The following CYP46A1 variants were observed in gnomAD, a reference collection of about 807,000 sequenced individuals.
CYP46A1 encodes the protein cholesterol 24-hydroxylase.
Under a neutral mutation model 63.3 loss-of-function variants are expected in CYP46A1, and 20 were observed. The ratio of observed to expected loss-of-function variants is 0.32; its 90% CI spans 0.22 to 0.46. The LOEUF is 0.46. Ranked by LOEUF, CYP46A1 falls within the 20% of genes least tolerant of loss-of-function variation. The pLI is 1.00. For missense variants in CYP46A1, 445 were observed against 670.8 expected, an observed-to-expected ratio of 0.66 and a Z score of 3.72; for synonymous variants, 268 against 273.6, an observed-to-expected ratio of 0.98 and a Z score of 0.20.
Position 99,684,348 on chromosome 14 carries a change from T to C in CYP46A1, c.-70T>C. On this transcript the variant is annotated 5_prime_UTR_variant, in exon 1 of 15. Transcript: ENST00000261835. Reference sequence around the variant, plus strand: ...GCGGCGCGCGGCGCTGACAGCTGAGTCGGCTCGCGGCCTCCCGGCCCCCTC... The same window carrying C: ...GCGGCGCGCGGCGCTGACAGCTGAGCCGGCTCGCGGCCTCCCGGCCCCCTC... The C allele has an allele frequency of 9.3e-6, 9 of 969,596 alleles. No homozygotes were observed. The highest frequency in any genetic ancestry group is 1.2e-5 in the Non-Finnish European group (9 of 755,898). 60.1% of individuals were successfully genotyped at this position (969,596 alleles called of 1,614,324 possible). A position where few individuals can be genotyped will look rare whatever the true frequency, so the allele number is the denominator to read the frequency against.
At chr14:99,687,517 C>A (rs192204951) in intron 1 of CYP46A1, among the ~76,000 whole-genome samples, 24 of 152,252 alleles carry the variant, frequency 1.6e-4, no homozygotes, top group African/African-American at 4.6e-4. Context: ...GCACTCGCCA[C>A]CCTGCCCCTC....
At chr14:99,716,024 C>G in intron 8 of CYP46A1, 64 bp downstream of exon 8, 3 of 1,604,434 alleles carry the variant, frequency 1.9e-6, no homozygotes, top group Non-Finnish European at 2.6e-6. Flanking sequence ...CCAGGTGATA[C>G]ATCGCCACTG....
intron 9 of CYP46A1, 116 bp from the exon 10 acceptor site, chr14:99,717,938 T>G (rs1045111227): frequency 1.3e-6 from 1 of 772,710 alleles, no homozygotes; most frequent in Non-Finnish European, 2.1e-6. Context: ...TAGAGCCAGA[T>G]GCCTGGGGGC....
chr14:99,689,817 C>CAG (rs2056528136), intron 1 of CYP46A1, among the ~76,000 whole-genome samples: 1 of 152,214 alleles, frequency 6.6e-6, no homozygotes, highest in African/African-American at 2.4e-5. Context: ...CTCCCCTACC[C>CAG]TGGTTACTCT....
intron 7 of CYP46A1, among the ~76,000 whole-genome samples, chr14:99,715,100 T>C (rs888346512): frequency 6.6e-6 from 1 of 152,196 alleles, no homozygotes; most frequent in Non-Finnish European, 1.5e-5. Flanking sequence ...TGTGTGACTA[T>C]AGCTAACAGC....
At chr14:99,719,298 G>A (rs548233645) in intron 10 of CYP46A1, among the ~76,000 whole-genome samples, 7 of 151,834 alleles carry the variant, frequency 4.6e-5, no homozygotes, top group Admixed American at 2.6e-4. Context: ...TGCAACCTCC[G>A]CCTCCCCAGT....
chr14:99,726,290 G>A (rs778867602), intron 14 of CYP46A1, 34 bp downstream of exon 14: 11 of 1,603,986 alleles, frequency 6.9e-6, no homozygotes, highest in Non-Finnish European at 4.3e-6. Context: ...CTGCCCAGGA[G>A]TAGCTGCAGG....
chr14:99,713,865 C>CAAAAAAAAAAAAAAAAA (rs71113218), intron 7 of CYP46A1, among the ~76,000 whole-genome samples: 1 of 67,568 alleles, frequency 1.5e-5, no homozygotes, highest in African/African-American at 6.7e-5. Context: ...GACTCCATCT[C>CAAAAAAAAAAAAAAAAA]AAAAAAAAAA....
intron 5 of CYP46A1, among the ~76,000 whole-genome samples, chr14:99,702,800 CTA>C (rs1269377156): frequency 3.9e-5 from 6 of 152,036 alleles, no homozygotes. Flanking sequence ...TGACTACAAA[CTA>C]TAGTTTATCA....
intron 10 of CYP46A1, among the ~76,000 whole-genome samples, chr14:99,718,814 A>G (rs1020748966): frequency 2.6e-5 from 4 of 152,148 alleles, no homozygotes; most frequent in Admixed American, 6.5e-5. Context: ...GTGAAAATAT[A>G]CAATCTTTCT....
Position 99,684,522 on chromosome 14 carries a change from G to A in CYP46A1, c.105G>A (p.Gly35=), listed in dbSNP as rs748912611. The A allele has an allele frequency of 2.0e-6, 3 of 1,473,072 alleles. No homozygotes were observed. Among genetic ancestry groups the A allele is most frequent in the South Asian group, 2.6e-5 (2 of 77,828 alleles). The allele number at this position is 1,473,072 out of a possible 1,614,324, so 91.3% of individuals were successfully genotyped here. A position where few individuals can be genotyped will look rare whatever the true frequency, so the allele number is the denominator to read the frequency against. ...GCAGCCGCTACGAGCACATCCCCGG[G>A]CCGCCGCGGCCCAGGTGAGCGGGGC... ...RARSRYEHIP[G]PPRPSFLLGH... The change falls in exon 1 of 15, where the codon GGG becomes GGA. Residue 35 remains glycine, a synonymous_variant. Coordinates refer to ENST00000261835, the MANE Select transcript of CYP46A1 (RefSeq NM_006668.2).
chr14:99,687,701 G>T (rs1175806037), intron 1 of CYP46A1, among the ~76,000 whole-genome samples: 1 of 152,172 alleles, frequency 6.6e-6, no homozygotes, highest in Non-Finnish European at 1.5e-5. Flanking sequence ...GAGAGCTTGG[G>T]TCCCCACTCA....
chr14:99,691,701 G>A (rs974829299), intron 2 of CYP46A1, 79 bp from the exon 3 acceptor site: 14 of 1,343,872 alleles, frequency 1.0e-5, no homozygotes, highest in African/African-American at 8.6e-5. Context: ...GGGAAACATC[G>A]GTTTCTCAGC....
rs1280015638 is a variant in CYP46A1 at position 99,700,061 on chromosome 14, C to T, written c.403C>T (p.His135Tyr). The T allele has an allele frequency of 6.2e-7, 1 of 1,606,360 alleles. No homozygotes were observed. The highest frequency in any genetic ancestry group is 1.3e-5 in the African/African-American group (1 of 74,418). Reference protein sequence around the residue: ...LVSECNYERWHKQRRVIDLAF... With the variant: ...LVSECNYERWYKQRRVIDLAF... ...GTCCGAATGCAACTATGAGCGCTGG[C>T]ACAAGCAGCGGAGAGTCATAGACCT... The change falls in exon 5 of 15, where the codon CAC becomes TAC. Residue 135 changes from histidine (H) to tyrosine (Y), a missense_variant. His to Tyr is a moderately conservative substitution (Grantham distance 83). Coordinates refer to ENST00000261835, the MANE Select transcript of CYP46A1 (RefSeq NM_006668.2).
chr14:99,722,114 C>A lies in CYP46A1; in HGVS notation c.1176+48C>A. ...CTGGGGTGGGCTGGGCTGCTTGCCC[C>A]AATGGTGGTGAATTTGGGACTCACC... On this transcript the variant is annotated intron_variant, in intron 12 of 14. Transcript: ENST00000261835. This position sits in a 1 kb window ranked among gnomAD's most constrained non-coding sequence, Gnocchi z 4.6. 1 of 1,448,022 alleles carries A rather than the reference C, an allele frequency of 6.9e-7. No individual in the cohort carries two copies. Among genetic ancestry groups the A allele is most frequent in the South Asian group, 1.2e-5 (1 of 86,724 alleles). 89.7% of individuals were successfully genotyped at this position (1,448,022 alleles called of 1,614,324 possible).
At chr14:99,700,179 G>A in intron 5 of CYP46A1, 78 bp downstream of exon 5, 3 of 1,187,802 alleles carry the variant, frequency 2.5e-6, no homozygotes, top group Non-Finnish European at 3.5e-6. Context: ...TGGGCCTTGG[G>A]GAGGGAAGTG....
In CYP46A1 at chr14:99,715,906, G is replaced by T. The variant is rs1404612982; in HGVS notation, c.790G>T (p.Ala264Ser). The T allele has an allele frequency of 3.1e-6, 5 of 1,596,710 alleles. No individual in the cohort carries two copies. The South Asian group carries it at 4.4e-5, about 14-fold the overall frequency. The stretch of plus-strand genomic sequence containing the variant: ...GGACTGGGTCCAGCGCCGCCGGGAA[G>T]CCCTGAAGAGGGGCGAGGAGGTTCC... ...GRDWVQRRREALKRGEEVPAD... is the reference protein window; with the variant it reads ...GRDWVQRRRESLKRGEEVPAD... The change falls in exon 8 of 15, where the codon GCC (alanine) becomes TCC (serine). Residue 264 changes from alanine to serine, a missense_variant. Physicochemically the swap from Ala to Ser is moderately conservative, Grantham distance 99. Coordinates refer to ENST00000261835, the MANE Select transcript of CYP46A1 (RefSeq NM_006668.2).
At chr14:99,703,696 T>G in intron 5 of CYP46A1, 1 of 969,420 alleles carries the variant, frequency 1.0e-6, no homozygotes, top group Non-Finnish European at 1.2e-6. Flanking sequence ...ATGTAGTGCT[T>G]CCATTCATGT....
chr14:99,698,293 G>A (rs1026855170), intron 3 of CYP46A1, among the ~76,000 whole-genome samples: 1 of 152,050 alleles, frequency 6.6e-6, no homozygotes, highest in African/African-American at 2.4e-5. Flanking sequence ...CAGGGGACCT[G>A]TGGTCCCTTG....
Sources: gnomAD v4.1 joint callset for allele counts (sites outside exome capture counted in the v4.1 genomes callset) on GRCh38, gnomAD v4.1.1 for gene constraint, Gnocchi (gnomAD v3.1) non-coding constraint, MANE v1.5 for transcripts, NCBI Gene and HGNC (gene_info 2026-07-23, HGNC 2026-07-21) for gene names.